The following PACRGL variants were observed in gnomAD, a reference collection of about 807,000 sequenced individuals.
PACRGL encodes the protein parkin coregulated like.
PACRGL carries 38 observed loss-of-function variants against 34.5 expected under a neutral mutation model. The ratio of observed to expected loss-of-function variants is 1.10; its 90% confidence interval spans 0.85 to 1.44. PACRGL has a LOEUF of 1.44. Among genes scored for constraint, PACRGL ranks in the 40% most tolerant of loss-of-function variants. The probability of loss-of-function intolerance (pLI) is 0.00; values close to 1 mark genes in which losing one functional copy is unlikely to be tolerated. For missense variants in PACRGL, 305 were observed against 281.4 expected (o/e 1.08, Z -0.60); for synonymous variants, 128 against 100.1 (o/e 1.28, Z -1.66).
At chr4:20,735,358 T>G (rs749753753), downstream of PACRGL, among the ~76,000 whole-genome samples, 2 of 152,166 alleles carry the variant, frequency 1.3e-5, no homozygotes, top group Non-Finnish European at 2.9e-5. Flanking sequence ...TATCTACCTC[T>G]TCACAATTTT....
At chr4:20,696,442 A>T (rs757649607), upstream of PACRGL, 1 of 152,238 alleles carries the variant, frequency 6.6e-6, no homozygotes, top group Non-Finnish European at 1.5e-5. Context: ...ATCCTAGCAG[A>T]TGACAACAGA....
chr4:20,738,582 A>G (rs544784697), intron 8 of PACRGL, among the ~76,000 whole-genome samples: 21 of 152,350 alleles, frequency 1.4e-4, no homozygotes, highest in African/African-American at 4.6e-4. Flanking sequence ...AAAACAGCAG[A>G]GAAACAATGA....
chr4:20,732,572 A>G (rs1043142229), downstream of PACRGL: 14 of 722,624 alleles, frequency 1.9e-5, no homozygotes, highest in African/African-American at 1.6e-4. Context: ...GTTTTGTTTC[A>G]GTAAAAATTA....
intron 8 of PACRGL, among the ~76,000 whole-genome samples, chr4:20,745,814 C>A (rs1359645205): frequency 6.6e-6 from 1 of 152,130 alleles, no homozygotes; most frequent in Non-Finnish European, 1.5e-5. Flanking sequence ...TCCCCTGACT[C>A]CCTGCCAATC....
At chr4:20,701,725 G>A (rs1160654760) in intron 1 of PACRGL, 8 of 379,698 alleles carry the variant, frequency 2.1e-5, no homozygotes, top group African/African-American at 8.5e-5. Flanking sequence ...TGTCCGTGGA[G>A]AATTGGCTCC....
At position 20,731,258 on chromosome 4, in the gene PACRGL, T is replaced by C. The variant is rs1748110459; in HGVS notation, c.*3917T>C. On this transcript the variant is annotated 3_prime_UTR_variant, in exon 9 of 9. Transcript: ENST00000503585. Reference sequence around the variant, plus strand: ...CTAACTTAATTTTTTTTTGTAGAGATAGATAGGGTCTTGCTATGTTGCCCA... The same window carrying C: ...CTAACTTAATTTTTTTTTGTAGAGACAGATAGGGTCTTGCTATGTTGCCCA... 1 of 342,780 alleles carries C rather than the reference T, an allele frequency of 2.9e-6. No homozygotes were observed. Among genetic ancestry groups the C allele is most frequent in the African/African-American group, 2.2e-5 (1 of 44,638 alleles). The allele number at this position is 342,780 out of a possible 1,614,324, so 21.2% of individuals were successfully genotyped here. A position where few individuals can be genotyped will look rare whatever the true frequency, so the allele number is the denominator to read the frequency against.
intron 5 of PACRGL, 65 bp downstream of exon 5, chr4:20,709,838 T>C: frequency 7.5e-7 from 1 of 1,334,410 alleles, no homozygotes; most frequent in Non-Finnish European, 1.1e-6. Context: ...TAAATGCTAC[T>C]TTGTAGCTTG....
At chr4:20,747,872 T>G (rs1423976596) in intron 8 of PACRGL, among the ~76,000 whole-genome samples, 1 of 152,132 alleles carries the variant, frequency 6.6e-6, no homozygotes, top group Admixed American at 6.6e-5. Context: ...TCATCTTGAC[T>G]CCACAAAGCC....
intron 8 of PACRGL, among the ~76,000 whole-genome samples, chr4:20,746,882 C>T (rs1752529593): frequency 6.6e-6 from 1 of 152,120 alleles, no homozygotes; most frequent in African/African-American, 2.4e-5. Context: ...CTCTACTGTA[C>T]CTCTCAGTAT....
Position 20,744,949 on chromosome 4 carries a change from G to A in PACRGL, c.*57-7616G>A, listed in dbSNP as rs1295970287. On this transcript the variant is annotated intron_variant, in intron 8 of 8. Transcript: ENST00000507634. ...GCCATGACCTGGGCGAAGTCAGGAAGCACATTTTATCCCTTTGGCCGGACA... is the reference window on the plus strand; with the variant it reads ...GCCATGACCTGGGCGAAGTCAGGAAACACATTTTATCCCTTTGGCCGGACA... 2.6e-5 allele frequency among the ~76,000 whole-genome samples: 4 copies of A among 152,228 alleles called. No individual in the cohort carries two copies. The South Asian group carries it at 8.3e-4, about 32-fold the overall frequency.
At chr4:20,710,324 T>C (rs947179515) in intron 5 of PACRGL, among the ~76,000 whole-genome samples, 2 of 152,198 alleles carry the variant, frequency 1.3e-5, no homozygotes, top group Admixed American at 6.5e-5. Context: ...ATTTAACATT[T>C]GTGTCAGGAA....
chr4:20,713,311 T>A, intron 6 of PACRGL, 121 bp from the exon 7 acceptor site: 1 of 689,354 alleles, frequency 1.5e-6, no homozygotes, highest in East Asian at 2.7e-5. Context: ...ATCTTCTGAT[T>A]GTAGATGTTT....
At position 20,709,043 on chromosome 4, in the gene PACRGL, G is replaced by T. The variant is rs572111287; in HGVS notation, c.276-640G>T. On this transcript the variant is annotated intron_variant, in intron 4 of 8. Transcript: ENST00000503585. ...AATCCCAGCTACTGGGGAGGCTTAG[G>T]CAGGAGAATTGCTTGAACCTGGGAG... Among the ~76,000 whole-genome samples the T allele has an allele frequency of 2.0e-5, 3 of 152,268 alleles. No homozygotes were observed. The South Asian group carries it at 6.2e-4, about 32-fold the overall frequency.
In PACRGL at chr4:20,700,480, GGTGGCGGTA is replaced by G. The variant is rs1460574821; in HGVS notation, c.-322_-314del. ...CTCATTTCCCCAAACGCAGGCGCTC[GGTGGCGGTA>G]GCCGCGGTTGTTGGCCGACCGAGTG... On this transcript the variant is annotated 5_prime_UTR_variant, in exon 1 of 9. Transcript: ENST00000503585. The G allele has an allele frequency of 6.6e-6, 1 of 152,162 alleles. No individual in the cohort carries two copies. The highest frequency in any genetic ancestry group is 1.5e-5 in the Non-Finnish European group (1 of 68,052). The allele number at this position is 152,162 out of a possible 1,614,324, so 9.4% of individuals were successfully genotyped here. A position where few individuals can be genotyped will look rare whatever the true frequency, so the allele number is the denominator to read the frequency against.
At chr4:20,735,140 G>T (rs1647977279), downstream of PACRGL, among the ~76,000 whole-genome samples, 1 of 152,158 alleles carries the variant, frequency 6.6e-6, no homozygotes, top group Admixed American at 6.5e-5. Context: ...AAGAAATGTG[G>T]CTGTCCATAA....
chr4:20,755,853 G>A (rs1754374972), downstream of PACRGL, among the ~76,000 whole-genome samples: 1 of 152,134 alleles, frequency 6.6e-6, no homozygotes, highest in African/African-American at 2.4e-5. Context: ...TGGTGTGCTG[G>A]TGGGATGGCA....
At chr4:20,708,194 A>C (rs2149071436) in intron 4 of PACRGL, among the ~76,000 whole-genome samples, 1 of 152,316 alleles carries the variant, frequency 6.6e-6, no homozygotes, top group African/African-American at 2.4e-5. Flanking sequence ...CTTGTTGGTA[A>C]AATGAAAGTT....
chr4:20,702,294 C>T (rs1441086872), intron 1 of PACRGL: 3 of 443,412 alleles, frequency 6.8e-6, no homozygotes, highest in Non-Finnish European at 1.4e-5. Context: ...TGTGGGTACG[C>T]GTCTTTGCTG....
downstream of PACRGL, among the ~76,000 whole-genome samples, chr4:20,753,952 A>T (rs1037178540): frequency 6.6e-6 from 1 of 151,548 alleles, no homozygotes; most frequent in African/African-American, 2.4e-5. Flanking sequence ...ACTGTTTATT[A>T]TATGCCTAGT....
Sources: allele counts gnomAD v4.1 joint callset (sites outside exome capture counted in the v4.1 genomes callset), GRCh38; gene constraint gnomAD v4.1.1; transcripts MANE v1.5; gene names NCBI Gene and HGNC (gene_info 2026-07-23, HGNC 2026-07-21).